SCAPER: variants seen among roughly 807,000 people sequenced by gnomAD.
The protein encoded by SCAPER is S-phase cyclin A associated protein in the ER.
In SCAPER, 98 loss-of-function variants were observed where a neutral mutation model predicts 182.2. The observed-to-expected ratio is 0.54, with a 90% CI of 0.46 to 0.64. The LOEUF (loss-of-function observed/expected upper bound fraction) is 0.64. Among genes scored for constraint, SCAPER ranks in the 30% least tolerant of loss-of-function variants. The probability of loss-of-function intolerance (pLI) is 0.00; values close to 1 mark genes in which losing one functional copy is unlikely to be tolerated. For missense variants in SCAPER, 1,432 were observed against 1,690.0 expected (o/e 0.85, Z 2.68); for synonymous variants, 605 against 564.6 (o/e 1.07, Z -1.01).
At chr15:76,865,535 A>G (rs1409166097) in intron 2 of SCAPER, among the ~76,000 whole-genome samples, 2 of 152,258 alleles carry the variant, frequency 1.3e-5, no homozygotes, top group South Asian at 4.1e-4. Flanking sequence ...GAAATAAATA[A>G]ACAGAATGGA....
At chr15:76,588,051 A>T (rs1803164188) in intron 22 of SCAPER, among the ~76,000 whole-genome samples, 1 of 151,836 alleles carries the variant, frequency 6.6e-6, no homozygotes. Context: ...CCTCCCGAGT[A>T]GCTGGGACTA....
intron 5 of SCAPER, among the ~76,000 whole-genome samples, chr15:76,806,065 A>T (rs887934414): frequency 1.3e-5 from 2 of 152,162 alleles, no homozygotes; most frequent in Non-Finnish European, 2.9e-5. Flanking sequence ...TGACACACAC[A>T]AGTTTTTAAT....
At chr15:76,504,469 T>C in intron 24 of SCAPER, among the ~76,000 whole-genome samples, 1 of 152,192 alleles carries the variant, frequency 6.6e-6, no homozygotes, top group Non-Finnish European at 1.5e-5. Flanking sequence ...AGGAACTTCT[T>C]GCAATTTCAC....
At chr15:76,646,117 T>A (rs1456950949) in intron 21 of SCAPER, among the ~76,000 whole-genome samples, 8 of 152,126 alleles carry the variant, frequency 5.3e-5, no homozygotes, top group Non-Finnish European at 1.2e-4. Context: ...GAAGGATTGG[T>A]TCCAGGATCC....
At chr15:76,608,989 C>T (rs1045181772) in intron 22 of SCAPER, among the ~76,000 whole-genome samples, 1 of 152,194 alleles carries the variant, frequency 6.6e-6, no homozygotes, top group Non-Finnish European at 1.5e-5. Context: ...GGCGATGCCT[C>T]GCCCTGCTTC....
At chr15:76,401,323 C>T (rs938048970) in intron 27 of SCAPER, among the ~76,000 whole-genome samples, 3 of 152,104 alleles carry the variant, frequency 2.0e-5, no homozygotes, top group African/African-American at 7.2e-5. Context: ...TTTCACCCCC[C>T]ACATCATGAA....
intron 4 of SCAPER, among the ~76,000 whole-genome samples, chr15:76,848,323 GTTTT>G (rs60859623): frequency 3.0e-5 from 4 of 132,306 alleles, no homozygotes; most frequent in African/African-American, 6.0e-5. Flanking sequence ...TTTTTTTGGG[GTTTT>G]TTTTTTTTTT....
At chr15:76,823,293 T>C (rs2067727305) in intron 5 of SCAPER, among the ~76,000 whole-genome samples, 1 of 151,900 alleles carries the variant, frequency 6.6e-6, no homozygotes, top group Admixed American at 6.6e-5. Context: ...ACTCCATCTC[T>C]ACTAAAAATA....
At chr15:76,792,576 G>A (rs2065068322) in intron 8 of SCAPER, among the ~76,000 whole-genome samples, 1 of 152,160 alleles carries the variant, frequency 6.6e-6, no homozygotes, top group African/African-American at 2.4e-5. Context: ...CCCAACTAAG[G>A]ACTTAGAAGC....
chr15:76,867,440 T>G (rs898128359), intron 2 of SCAPER, among the ~76,000 whole-genome samples: 5 of 151,402 alleles, frequency 3.3e-5, no homozygotes, highest in African/African-American at 1.2e-4. Flanking sequence ...TTTCCTAATA[T>G]TACAGAATGA....
chr15:76,804,768 G>A (rs2066031543), intron 5 of SCAPER, 135 bp from the exon 6 acceptor site: 2 of 478,370 alleles, frequency 4.2e-6, no homozygotes, highest in Non-Finnish European at 7.1e-6. Context: ...GTAAGTTACA[G>A]ATTTTTTTTT....
At chr15:76,530,061 A>T (rs2043518514) in intron 23 of SCAPER, among the ~76,000 whole-genome samples, 1 of 152,180 alleles carries the variant, frequency 6.6e-6, no homozygotes, top group Non-Finnish European at 1.5e-5. Context: ...GTGTCTTATG[A>T]GCAGGGTCTG....
At chr15:76,886,147 A>G (rs149165486) in intron 1 of SCAPER, among the ~76,000 whole-genome samples, 8 of 152,280 alleles carry the variant, frequency 5.3e-5, no homozygotes, top group African/African-American at 9.6e-5. Context: ...ATTTATATAA[A>G]TTTTTTAAAA....
intron 4 of SCAPER, among the ~76,000 whole-genome samples, chr15:76,852,248 A>G (rs2070839040): frequency 6.6e-6 from 1 of 152,204 alleles, no homozygotes; most frequent in South Asian, 2.1e-4. Flanking sequence ...AGAGTGGAAG[A>G]CCTCAGTACT....
intron 17 of SCAPER, among the ~76,000 whole-genome samples, chr15:76,717,489 T>G (rs1038553521): frequency 6.6e-6 from 1 of 152,116 alleles, no homozygotes; most frequent in African/African-American, 2.4e-5. Context: ...TTTTAAGGAA[T>G]ACATAATATA....
At chr15:76,355,438 T>C (rs1251941831) in intron 29 of SCAPER, among the ~76,000 whole-genome samples, 4 of 152,208 alleles carry the variant, frequency 2.6e-5, no homozygotes, top group Admixed American at 2.6e-4. Flanking sequence ...ACTTTATTGA[T>C]AAAGGCATTT....
intron 27 of SCAPER, among the ~76,000 whole-genome samples, chr15:76,384,193 A>G (rs976956507): frequency 6.6e-6 from 1 of 152,180 alleles, no homozygotes; most frequent in African/African-American, 2.4e-5. Flanking sequence ...CCCTAAAGCT[A>G]ATTTCTAATA....
At chr15:76,587,155 C>T (rs2048728853) in intron 22 of SCAPER, among the ~76,000 whole-genome samples, 1 of 152,060 alleles carries the variant, frequency 6.6e-6, no homozygotes. Context: ...GTTGTAATAT[C>T]TCCCGTTTTA....
rs553960645 is a variant in SCAPER, at chr15:76,384,464, A to T, written c.3468-2849T>A. ...AATATGTGTAAAAAATCTTTTTTTT[A>T]AAAAAAGTGAAGGTTATCAGAACAT... On this transcript the variant is annotated intron_variant, in intron 27 of 31. Transcript: ENST00000563290. 2.5e-3 allele frequency among the ~76,000 whole-genome samples: 380 copies of T among 152,240 alleles called. 2 individuals carry two copies. Among genetic ancestry groups the T allele is most frequent in the South Asian group, 8.9e-3 (43 of 4,818 alleles).
Sources: gnomAD v4.1 joint callset for allele counts (sites outside exome capture counted in the v4.1 genomes callset) on GRCh38, gnomAD v4.1.1 for gene constraint, MANE v1.5 for transcripts, NCBI Gene and HGNC (gene_info 2026-07-23, HGNC 2026-07-21) for gene names.